Variants in RAB38 observed in about 807,000 individuals in gnomAD.
RAB38 encodes the protein RAB38, member RAS oncogene family.
Under a neutral mutation model 18.4 loss-of-function variants are expected in RAB38, and 15 were observed. That is an observed-to-expected ratio of 0.82 (90% CI 0.55 to 1.26). The LOEUF (loss-of-function observed/expected upper bound fraction) is 1.26. Ranked by LOEUF, RAB38 falls within the 50% of genes most tolerant of loss-of-function variation. RAB38 has a pLI of 0.00. For synonymous variants in RAB38, 101 were observed against 104.4 expected, an observed-to-expected ratio of 0.97 and a Z score of 0.20; for missense variants, 294 against 267.4, an observed-to-expected ratio of 1.10 and a Z score of -0.69.
At chr11:87,977,717 T>C in the RAB38 span, among the ~76,000 whole-genome samples, 36 of 97,664 alleles carry the variant, frequency 3.7e-4, no homozygotes, top group African/African-American at 1.5e-3. Flanking sequence ...TATATATTTA[T>C]ATATTATATG....
the RAB38 span, among the ~76,000 whole-genome samples, chr11:88,092,295 ACG>A: frequency 3.3e-5 from 1 of 30,624 alleles, no homozygotes; most frequent in Non-Finnish European, 6.3e-5. Context: ...GGTGAAGGAG[ACG>A]GCCGGTGTAT....
chr11:88,027,370 C>T, the RAB38 span, among the ~76,000 whole-genome samples: 23 of 152,064 alleles, frequency 1.5e-4, no homozygotes, highest in African/African-American at 2.2e-4. Flanking sequence ...AGACAGTGGG[C>T]GCAGGTCAGT....
chr11:88,018,583 A>G, the RAB38 span, among the ~76,000 whole-genome samples: 1 of 152,148 alleles, frequency 6.6e-6, no homozygotes, highest in Non-Finnish European at 1.5e-5. Flanking sequence ...AGCAGCGACA[A>G]TAGCAAATTC....
chr11:87,862,677 C>T, the RAB38 span, among the ~76,000 whole-genome samples: 2 of 151,752 alleles, frequency 1.3e-5, no homozygotes, highest in South Asian at 4.1e-4. Context: ...TAAATAAAAA[C>T]TAAAAAATAA....
chr11:88,015,610 C>T, the RAB38 span, among the ~76,000 whole-genome samples: 6 of 151,980 alleles, frequency 3.9e-5, no homozygotes, highest in Non-Finnish European at 8.8e-5. Flanking sequence ...GTTAGATCTA[C>T]TAAGGGGGAT....
chr11:87,944,018 A>G, the RAB38 span, among the ~76,000 whole-genome samples: 1 of 152,184 alleles, frequency 6.6e-6, no homozygotes, highest in African/African-American at 2.4e-5. Context: ...ATTGCAGGTT[A>G]GGTTTCAGAA....
chr11:88,103,003 C>A, the RAB38 span, among the ~76,000 whole-genome samples: 1 of 150,202 alleles, frequency 6.7e-6, no homozygotes, highest in Non-Finnish European at 1.5e-5. Flanking sequence ...ATCTGCCATG[C>A]CCTTCCCTTT....
At chr11:88,038,532 A>G in the RAB38 span, among the ~76,000 whole-genome samples, 2 of 152,138 alleles carry the variant, frequency 1.3e-5, no homozygotes, top group East Asian at 1.9e-4. Flanking sequence ...ATGGCAAAAC[A>G]TATTTCCTCA....
the RAB38 span, among the ~76,000 whole-genome samples, chr11:87,836,747 G>C: frequency 1.3e-5 from 2 of 152,220 alleles, no homozygotes; most frequent in South Asian, 4.1e-4. Context: ...TCTAGTCTTT[G>C]CCTCCTTCTG....
chr11:88,097,777 G>T, the RAB38 span: 1 of 151,894 alleles, frequency 6.6e-6, no homozygotes, highest in Non-Finnish European at 1.5e-5. Context: ...ACAGGATAGG[G>T]CTTCTGAAAA....
At chr11:87,951,847 G>T in the RAB38 span, among the ~76,000 whole-genome samples, 1 of 152,116 alleles carries the variant, frequency 6.6e-6, no homozygotes, top group Admixed American at 6.5e-5. Context: ...CGGGTGTCAG[G>T]GACCCACTTG....
chr11:88,132,257 C>A (rs1421735545), intron 2 of RAB38, among the ~76,000 whole-genome samples: 1 of 152,124 alleles, frequency 6.6e-6, no homozygotes, highest in Non-Finnish European at 1.5e-5. Context: ...ATCTTATAAC[C>A]ATAAGGGAGA....
chr11:87,807,543 T>A, the RAB38 span, among the ~76,000 whole-genome samples: 6 of 152,150 alleles, frequency 3.9e-5, no homozygotes, highest in Admixed American at 3.9e-4. Context: ...ACATAAACCA[T>A]GCTGACTATT....
At chr11:87,893,390 A>ATATATATATTTTT in the RAB38 span, among the ~76,000 whole-genome samples, 94 of 93,886 alleles carry the variant, frequency 1.0e-3, no homozygotes, top group South Asian at 2.8e-3. Flanking sequence ...ATATATATAT[A>ATATATATATTTTT]TTTTTTTTTT....
At chr11:87,858,012 C>T in the RAB38 span, among the ~76,000 whole-genome samples, 1 of 152,118 alleles carries the variant, frequency 6.6e-6, no homozygotes, top group African/African-American at 2.4e-5. Flanking sequence ...ACATTTAAGT[C>T]TTTAATCCAC....
chr11:87,820,936 T>G, the RAB38 span, among the ~76,000 whole-genome samples: 1 of 152,112 alleles, frequency 6.6e-6, no homozygotes, highest in Admixed American at 6.6e-5. Context: ...AGAAATTATC[T>G]GAAACTAGTA....
At chr11:87,864,307 T>C in the RAB38 span, among the ~76,000 whole-genome samples, 4 of 150,294 alleles carry the variant, frequency 2.7e-5, no homozygotes, top group Non-Finnish European at 4.4e-5. Context: ...TATGCTGTAC[T>C]ATATTATAAT....
chr11:88,154,672 T>A (rs1943103851), intron 1 of RAB38, among the ~76,000 whole-genome samples: 1 of 152,118 alleles, frequency 6.6e-6, no homozygotes, highest in Non-Finnish European at 1.5e-5. Flanking sequence ...TACGCAGATA[T>A]CCAGGCATTC....
the RAB38 span, among the ~76,000 whole-genome samples, chr11:87,963,690 A>G: frequency 6.8e-6 from 1 of 147,064 alleles, no homozygotes. Context: ...TCTGTTGCCC[A>G]GGCTGGAGTG....
Sources: gnomAD v4.1 joint callset for allele counts (sites outside exome capture counted in the v4.1 genomes callset) on GRCh38, gnomAD v4.1.1 for gene constraint, MANE v1.5 for transcripts, NCBI Gene and HGNC (gene_info 2026-07-23, HGNC 2026-07-21) for gene names.